TBC1D1: variants seen among roughly 807,000 people sequenced by gnomAD.
TBC1D1 encodes TBC1 (tre-2/USP6, BUB2, cdc16) domain family, member 1.
A neutral mutation model predicts 125.6 loss-of-function variants in TBC1D1; 89 were observed. The ratio of observed to expected loss-of-function variants is 0.71; its 90% CI spans 0.60 to 0.85. TBC1D1 has a LOEUF of 0.85. Among genes scored for constraint, TBC1D1 ranks in the 40% least tolerant of loss-of-function variants. The pLI is 0.00. For missense variants in TBC1D1, 1,377 were observed against 1,469.2 expected (o/e 0.94, Z 1.03); for synonymous variants, 565 against 564.1 (o/e 1.00, Z -0.02).
chr4:37,972,566 A>G (rs1432244384), intron 2 of TBC1D1, among the ~76,000 whole-genome samples: 2 of 151,468 alleles, frequency 1.3e-5, no homozygotes, highest in African/African-American at 4.9e-5. Context: ...TGTGGGAAGG[A>G]TATATTTTTC....
chr4:38,096,288 C>T (rs1465467206), intron 14 of TBC1D1, among the ~76,000 whole-genome samples, 198 bp downstream of exon 16: 1 of 152,122 alleles, frequency 6.6e-6, no homozygotes, highest in Non-Finnish European at 1.5e-5. Context: ...TTAAAATTCC[C>T]AGAAGGCCGG....
At chr4:38,018,977 A>G (rs965418599) in intron 4 of TBC1D1, among the ~76,000 whole-genome samples, 2 of 152,104 alleles carry the variant, frequency 1.3e-5, no homozygotes, top group Non-Finnish European at 2.9e-5. Context: ...TTTAGGTACC[A>G]ATTGTCAGTA....
In TBC1D1 at chr4:38,027,888, C is replaced by T; in HGVS notation, c.1302+9C>T. On this transcript the variant is annotated intron_variant, in intron 7 of 19. Coordinates refer to ENST00000261439, the MANE Select transcript of TBC1D1 (RefSeq NM_015173.4). ...TTTTTGAAGAGGTTCAGGTACAGTA[C>T]AGTTGCTAATTTCTAGAAGGAAAGA... 6.4e-7 allele frequency: 1 copy of T among 1,562,058 alleles called. No homozygotes were observed. Among genetic ancestry groups the T allele is most frequent in the Non-Finnish European group, 8.7e-7 (1 of 1,151,554 alleles).
In TBC1D1 at chr4:37,902,394, G is replaced by C. The variant is rs749274148; in HGVS notation, c.299G>C (p.Arg100Pro). The C allele has an allele frequency of 6.2e-7, 1 of 1,614,176 alleles. No homozygotes were observed. Among genetic ancestry groups the C allele is most frequent in the East Asian group, 2.2e-5 (1 of 44,878 alleles). ...AGCATCTTTGAGTGCAAGCCTCAGC[G>C]TGTTCACAAACTGATTCACAACAGT... Residue 100 changes from arginine to proline, a missense_variant, in exon 2 of 20, where the codon CGT (arginine) becomes CCT (proline). Transcript: ENST00000261439.
intron 6 of TBC1D1, among the ~76,000 whole-genome samples, chr4:38,025,957 C>T (rs1744998841): frequency 1.3e-5 from 2 of 152,090 alleles, no homozygotes. Flanking sequence ...CTTGGCTCTG[C>T]TAGTCAGGGA....
chr4:37,984,778 GGTT>G lies in TBC1D1; in HGVS notation c.418-29728_418-29726del, dbSNP rs1735090832. ...GAATTCCTTGAGCCTGGGAGGCAGAGGTTGTAGTGAGCCAAGATTGTGCCACTG... is the reference window on the plus strand; with the variant it reads ...GAATTCCTTGAGCCTGGGAGGCAGAGGTAGTGAGCCAAGATTGTGCCACTG... On this transcript the variant is annotated intron_variant, in intron 2 of 19. Coordinates refer to ENST00000261439, the MANE Select transcript of TBC1D1 (RefSeq NM_015173.4). 6.6e-5 allele frequency among the ~76,000 whole-genome samples: 10 copies of G among 151,666 alleles called. No individual in the cohort carries two copies. The South Asian group carries it at 2.1e-3, about 32-fold the overall frequency.
intron 12 of TBC1D1, among the ~76,000 whole-genome samples, chr4:38,070,980 T>C (rs573932054): frequency 1.3e-5 from 2 of 152,352 alleles, no homozygotes; most frequent in Admixed American, 6.5e-5. Flanking sequence ...TGCTTCTCTC[T>C]TGTGGGCTGG....
intron 15 of TBC1D1, chr4:38,110,427 A>G (rs1216562683): frequency 1.0e-6 from 1 of 985,292 alleles, no homozygotes; most frequent in Non-Finnish European, 1.2e-6. Flanking sequence ...TTCCCCCTCC[A>G]AGTGATAAAG....
intron 12 of TBC1D1, among the ~76,000 whole-genome samples, chr4:38,079,737 A>G (rs1386343050): frequency 6.6e-6 from 1 of 152,106 alleles, no homozygotes; most frequent in Non-Finnish European, 1.5e-5. Context: ...TCAAAAAAAA[A>G]AAGCAAGTTA....
intron 2 of TBC1D1, among the ~76,000 whole-genome samples, chr4:37,980,686 G>A (rs1202458920): frequency 6.6e-6 from 1 of 152,178 alleles, no homozygotes; most frequent in Non-Finnish European, 1.5e-5. Context: ...TCCAAGTATA[G>A]TTTCATATAG....
chr4:38,023,924 A>G (rs1422483212), intron 6 of TBC1D1, among the ~76,000 whole-genome samples: 1 of 152,194 alleles, frequency 6.6e-6, no homozygotes, highest in African/African-American at 2.4e-5. Flanking sequence ...CCATTTTACA[A>G]TCCCACTGGC....
At chr4:38,049,116 A>G (rs186796280) in intron 10 of TBC1D1, among the ~76,000 whole-genome samples, 95 of 152,340 alleles carry the variant, frequency 6.2e-4, no homozygotes, top group African/African-American at 2.2e-3. Context: ...GTGATTTTCC[A>G]TATTCTAAGA....
chr4:37,991,545 C>T (rs17425501), intron 2 of TBC1D1, among the ~76,000 whole-genome samples: 6,937 of 152,192 alleles, frequency 0.046, 235 homozygotes, highest in African/African-American at 0.089. Context: ...TGCTGCTGAA[C>T]ACGAGCATGC....
Position 37,985,242 on chromosome 4 carries a change from C to T in TBC1D1, c.418-29267C>T, listed in dbSNP as rs144805280. On this transcript the variant is annotated intron_variant, in intron 2 of 19. Transcript: ENST00000261439. ...TGCTGGGATTACAGGCGTGAGCCACCGCGCCCAGCCTATATTTATGATATT... is the reference window on the plus strand; with the variant it reads ...TGCTGGGATTACAGGCGTGAGCCACTGCGCCCAGCCTATATTTATGATATT... Among the ~76,000 whole-genome samples the T allele has an allele frequency of 7.3e-3, 1,108 of 152,248 alleles. 12 individuals are homozygous for T. The highest frequency in any genetic ancestry group is 0.024 in the African/African-American group (1,006 of 41,548).
chr4:38,111,364 G>A (rs1762172501), intron 15 of TBC1D1, among the ~76,000 whole-genome samples: 1 of 152,028 alleles, frequency 6.6e-6, no homozygotes, highest in Non-Finnish European at 1.5e-5. Context: ...AGCCCAAAGA[G>A]CTTCTGTTTC....
At chr4:38,006,668 ATGGG>A (rs1553916803) in intron 2 of TBC1D1, 1 of 254,430 alleles carries the variant, frequency 3.9e-6, no homozygotes, top group Non-Finnish European at 7.8e-6. Flanking sequence ...TTTAGTAGAG[ATGGG>A]GTTTCACCAT....
chr4:37,899,012 A>G (rs1464278778), intron 1 of TBC1D1, among the ~76,000 whole-genome samples: 1 of 152,172 alleles, frequency 6.6e-6, no homozygotes, highest in Non-Finnish European at 1.5e-5. Flanking sequence ...CAGGTAGAAG[A>G]CTTCAGATTG....
intron 12 of TBC1D1, among the ~76,000 whole-genome samples, chr4:38,068,313 T>G (rs1754088941): frequency 6.6e-6 from 1 of 152,170 alleles, no homozygotes; most frequent in Non-Finnish European, 1.5e-5. Flanking sequence ...TGTGGAATGT[T>G]CTAGCATTCC....
At chr4:38,066,167 C>T (rs1753694135) in intron 12 of TBC1D1, among the ~76,000 whole-genome samples, 1 of 151,612 alleles carries the variant, frequency 6.6e-6, no homozygotes, top group African/African-American at 2.4e-5. Context: ...CAGTAATGGG[C>T]TGTGTTAGTG....
Sources: allele counts gnomAD v4.1 joint callset (sites outside exome capture counted in the v4.1 genomes callset), GRCh38; gene constraint gnomAD v4.1.1; transcripts MANE v1.5; gene names NCBI Gene and HGNC (gene_info 2026-07-23, HGNC 2026-07-21).